CAMKMT: variants seen among roughly 807,000 people sequenced by gnomAD.
CAMKMT encodes the protein calmodulin-lysine N-methyltransferase, also known as CaM KMT.
In CAMKMT, 53 loss-of-function variants were observed where a neutral mutation model predicts 48.0. The observed-to-expected ratio is 1.10, with a 90% CI of 0.89 to 1.39. CAMKMT has a LOEUF of 1.39. Among genes scored for constraint, CAMKMT ranks in the 40% most tolerant of loss-of-function variants. The pLI, the probability that CAMKMT is intolerant of heterozygous loss-of-function variation, is 0.00. For missense variants in CAMKMT, 428 were observed against 402.7 expected (o/e 1.06, Z -0.54); for synonymous variants, 165 against 152.3 (o/e 1.08, Z -0.61).
intron 9 of CAMKMT, among the ~76,000 whole-genome samples, chr2:44,760,651 A>G (rs1680580728): frequency 6.6e-6 from 1 of 151,426 alleles, no homozygotes; most frequent in Non-Finnish European, 1.5e-5. Context: ...GGCCAAGAAC[A>G]TTGTGATGAA....
intron 3 of CAMKMT, among the ~76,000 whole-genome samples, chr2:44,441,161 C>A (rs149140334): frequency 3.7e-4 from 57 of 152,228 alleles, no homozygotes; most frequent in African/African-American, 1.4e-3. Context: ...TTTCCTGTGA[C>A]TCAATATATG....
At chr2:44,569,805 A>G (rs552140932) in intron 3 of CAMKMT, among the ~76,000 whole-genome samples, 2 of 152,190 alleles carry the variant, frequency 1.3e-5, no homozygotes, top group South Asian at 2.1e-4. Context: ...TGCAATGACA[A>G]TTTTTTTCTA....
At chr2:44,742,977 C>A (rs1441944788) in intron 7 of CAMKMT, among the ~76,000 whole-genome samples, 1 of 152,170 alleles carries the variant, frequency 6.6e-6, no homozygotes, top group Non-Finnish European at 1.5e-5. Context: ...TTGAGAGTAA[C>A]TAAAAACCTC....
chr2:44,409,112 T>G (rs1682997877), intron 3 of CAMKMT, among the ~76,000 whole-genome samples: 4 of 3,888 alleles, frequency 1.0e-3, no homozygotes, highest in Admixed American at 2.6e-3. Context: ...TATATATATA[T>G]ATATATATAT....
At chr2:44,531,103 G>A (rs1007605115) in intron 3 of CAMKMT, among the ~76,000 whole-genome samples, 2 of 151,862 alleles carry the variant, frequency 1.3e-5, no homozygotes, top group Admixed American at 6.6e-5. Flanking sequence ...ACAAACTGAG[G>A]ATAATTCTTC....
At chr2:44,387,912 T>C (rs1471153338) in intron 2 of CAMKMT, among the ~76,000 whole-genome samples, 2 of 152,214 alleles carry the variant, frequency 1.3e-5, no homozygotes, top group African/African-American at 4.8e-5. Flanking sequence ...GTTGATCTGA[T>C]AGGATTTTCT....
intron 7 of CAMKMT, among the ~76,000 whole-genome samples, chr2:44,721,756 G>A (rs770311417): frequency 2.4e-4 from 36 of 151,896 alleles, no homozygotes; most frequent in Non-Finnish European, 1.5e-4. Context: ...GGTTGCTTGA[G>A]CCCAGGAGTT....
chr2:44,480,344 C>G (rs1043140164), intron 3 of CAMKMT, among the ~76,000 whole-genome samples: 1 of 152,120 alleles, frequency 6.6e-6, no homozygotes, highest in African/African-American at 2.4e-5. Flanking sequence ...GAATAAACTC[C>G]ATATTAGGTA....
intron 3 of CAMKMT, among the ~76,000 whole-genome samples, chr2:44,396,142 T>G (rs1257371519): frequency 6.6e-6 from 1 of 152,094 alleles, no homozygotes; most frequent in African/African-American, 2.4e-5. Context: ...GGTTAAGTAT[T>G]TAATTAAAAA....
At chr2:44,757,658 G>A (rs1358816255) in intron 9 of CAMKMT, among the ~76,000 whole-genome samples, 1 of 151,094 alleles carries the variant, frequency 6.6e-6, no homozygotes, top group Non-Finnish European at 1.5e-5. Flanking sequence ...CCGCCTCCCA[G>A]GTTCAAGCAA....
chr2:44,374,549 A>G (rs528063417), intron 2 of CAMKMT, among the ~76,000 whole-genome samples: 1 of 152,340 alleles, frequency 6.6e-6, no homozygotes, highest in East Asian at 1.9e-4. Flanking sequence ...GACATCTTCA[A>G]GGCCCTGGTA....
intron 9 of CAMKMT, among the ~76,000 whole-genome samples, chr2:44,759,411 T>C (rs930195397): frequency 6.6e-6 from 1 of 152,238 alleles, no homozygotes; most frequent in Non-Finnish European, 1.5e-5. Context: ...TGAGCCACTA[T>C]GCCCAGCCAA....
At chr2:44,655,747 G>A (rs764617761) in intron 3 of CAMKMT, among the ~76,000 whole-genome samples, 5 of 152,140 alleles carry the variant, frequency 3.3e-5, no homozygotes, top group African/African-American at 7.2e-5. Context: ...CAGGGGAGGC[G>A]GGGAATGAGG....
chr2:44,734,200 T>C (rs1679232369), intron 7 of CAMKMT, among the ~76,000 whole-genome samples: 1 of 152,158 alleles, frequency 6.6e-6, no homozygotes, highest in Admixed American at 6.5e-5. Context: ...TTTAGTGCTA[T>C]TAATTTCCTC....
At chr2:44,694,197 A>G (rs1004392658) in intron 3 of CAMKMT, among the ~76,000 whole-genome samples, 1 of 152,226 alleles carries the variant, frequency 6.6e-6, no homozygotes, top group Admixed American at 6.5e-5. Flanking sequence ...TCCTCAGGTT[A>G]CTGAATTTTA....
At chr2:44,749,913 A>C (rs1420605130) in intron 8 of CAMKMT, among the ~76,000 whole-genome samples, 4 of 152,178 alleles carry the variant, frequency 2.6e-5, no homozygotes, top group African/African-American at 9.7e-5. Flanking sequence ...AGGCCAAATC[A>C]GAAGGGTCTG....
chr2:44,381,580 A>C (rs1230846486), intron 2 of CAMKMT, among the ~76,000 whole-genome samples: 1 of 152,190 alleles, frequency 6.6e-6, no homozygotes, highest in Non-Finnish European at 1.5e-5. Flanking sequence ...TTAAAATCCA[A>C]CATAAAGTTC....
At chr2:44,664,584 T>C (rs1300326888) in intron 3 of CAMKMT, among the ~76,000 whole-genome samples, 3 of 152,326 alleles carry the variant, frequency 2.0e-5, no homozygotes, top group African/African-American at 7.2e-5. Flanking sequence ...TAAGGTGCTA[T>C]GAATATTAAT....
chr2:44,525,095 G>T (rs977328180), intron 3 of CAMKMT, among the ~76,000 whole-genome samples: 3 of 152,066 alleles, frequency 2.0e-5, no homozygotes, highest in Admixed American at 6.5e-5. Context: ...AGTTATAGTA[G>T]TAGTAATACT....
Sources: gnomAD v4.1 joint callset for allele counts (sites outside exome capture counted in the v4.1 genomes callset) on GRCh38, gnomAD v4.1.1 for gene constraint, MANE v1.5 for transcripts, NCBI Gene and HGNC (gene_info 2026-07-23, HGNC 2026-07-21) for gene names.